PKHD1: variants seen among roughly 807,000 people sequenced by gnomAD.
PKHD1 encodes the protein PKHD1 ciliary IPT domain containing fibrocystin/polyductin.
A neutral mutation model predicts 412.0 loss-of-function variants in PKHD1; 291 were observed. The ratio of observed to expected loss-of-function variants is 0.71; its 90% CI spans 0.64 to 0.78. PKHD1 has a LOEUF of 0.78. Ranked by LOEUF, PKHD1 falls within the 30% of genes least tolerant of loss-of-function variation. The pLI is 0.00. For missense variants in PKHD1, 4,825 were observed against 4,950.7 expected, an observed-to-expected ratio of 0.97 and a Z score of 0.76; for synonymous variants, 1,777 against 1,821.5, an observed-to-expected ratio of 0.98 and a Z score of 0.62.
At chr6:51,943,976 A>G (rs1789019988) in intron 36 of PKHD1, among the ~76,000 whole-genome samples, 1 of 150,390 alleles carries the variant, frequency 6.6e-6, no homozygotes, top group Non-Finnish European at 1.5e-5. Flanking sequence ...ATATAAGAAG[A>G]CAGGAATGTC....
At chr6:51,887,661 A>G (rs888544863) in intron 43 of PKHD1, among the ~76,000 whole-genome samples, 29 of 152,090 alleles carry the variant, frequency 1.9e-4, no homozygotes, top group African/African-American at 6.0e-4. Context: ...CCTGCCATGT[A>G]AGTTGCCTGC....
intron 60 of PKHD1, among the ~76,000 whole-genome samples, chr6:51,663,475 T>A (rs990174912): frequency 6.6e-6 from 1 of 152,176 alleles, no homozygotes; most frequent in Non-Finnish European, 1.5e-5. Flanking sequence ...TGTAATTTGA[T>A]AAATCACATG....
intron 60 of PKHD1, among the ~76,000 whole-genome samples, chr6:51,687,046 G>A (rs970050930): frequency 2.6e-5 from 4 of 152,076 alleles, no homozygotes; most frequent in East Asian, 3.9e-4. Context: ...CACCAAAAAC[G>A]GGGATGTAAG....
In PKHD1 at chr6:51,973,380, T is replaced by C. The variant is rs942123787; in HGVS notation, c.5752-13354A>G. ...TTACTTTACAGTCACCTGGAATTCA[T>C]TGTATGCAATTCACATAATGTCTAA... On this transcript the variant is annotated intron_variant, in intron 35 of 66. Coordinates refer to ENST00000371117, the MANE Select transcript of PKHD1 (RefSeq NM_138694.4). 5.3e-5 allele frequency among the ~76,000 whole-genome samples: 8 copies of C among 152,248 alleles called. No individual in the cohort carries two copies. The East Asian group carries it at 1.3e-3, about 26-fold the overall frequency.
chr6:51,896,097 G>A (rs548354811), intron 43 of PKHD1, among the ~76,000 whole-genome samples: 2,157 of 152,246 alleles, frequency 0.014, 29 homozygotes, highest in Admixed American at 0.022. Context: ...GAGGAGGGGC[G>A]CCCACCATTG....
chr6:52,052,548 G>C (rs1807025008), intron 21 of PKHD1, among the ~76,000 whole-genome samples: 1 of 152,182 alleles, frequency 6.6e-6, no homozygotes, highest in Admixed American at 6.5e-5. Context: ...TTGTAAATCA[G>C]ACTCTTGGCC....
chr6:52,053,895 A>C (rs1807282472), intron 20 of PKHD1, 143 bp downstream of exon 20: 2 of 845,032 alleles, frequency 2.4e-6, no homozygotes, highest in East Asian at 5.3e-5. Flanking sequence ...CTTTTTTGTC[A>C]AATAAAATAT....
At chr6:51,939,716 C>T (rs1788163759) in intron 36 of PKHD1, among the ~76,000 whole-genome samples, 1 of 151,498 alleles carries the variant, frequency 6.6e-6, no homozygotes, top group Admixed American at 6.6e-5. Flanking sequence ...CCCAAATCCT[C>T]CTTCTTTCCC....
chr6:51,746,610 T>C, intron 59 of PKHD1, 111 bp downstream of exon 59: 1 of 750,710 alleles, frequency 1.3e-6, no homozygotes, highest in South Asian at 1.5e-5. Context: ...CATTCTAAGA[T>C]TCATTTCTAT....
chr6:51,745,459 A>G (rs2150967217), intron 59 of PKHD1, among the ~76,000 whole-genome samples: 1 of 152,294 alleles, frequency 6.6e-6, no homozygotes, highest in South Asian at 2.1e-4. Context: ...CGAACAAGGC[A>G]CCATCTTGGA....
chr6:51,759,117 C>T (rs1289863357), intron 55 of PKHD1, among the ~76,000 whole-genome samples: 1 of 152,162 alleles, frequency 6.6e-6, no homozygotes, highest in East Asian at 1.9e-4. Context: ...TCTATCAGTG[C>T]CATTAAAATG....
At chr6:51,796,328 G>C (rs928625516) in intron 52 of PKHD1, among the ~76,000 whole-genome samples, 2 of 151,624 alleles carry the variant, frequency 1.3e-5, no homozygotes, top group Non-Finnish European at 2.9e-5. Context: ...GGTTGTTTGT[G>C]TTTCTCTGGG....
intron 53 of PKHD1, among the ~76,000 whole-genome samples, chr6:51,786,086 T>G (rs902726719): frequency 3.3e-5 from 5 of 152,180 alleles, no homozygotes; most frequent in African/African-American, 9.7e-5. Context: ...ATTTCTACTT[T>G]GGAGATAAGA....
At chr6:51,904,157 T>C in intron 41 of PKHD1, 115 bp from the exon 42 acceptor site, 1 of 733,102 alleles carries the variant, frequency 1.4e-6, no homozygotes, top group Non-Finnish European at 2.5e-6. Flanking sequence ...TTTGTGTTTT[T>C]ATCTGTAAAT....
rs1766076330 is a variant in PKHD1, at chr6:51,616,495, C to G, written c.*2586G>C. ...AGACATGAATGAACATAGAGCTGCT[C>G]TCTTTGCTTTTGGTGTTTCCCTAAT... On this transcript the variant is annotated 3_prime_UTR_variant, in exon 67 of 67. Coordinates refer to ENST00000371117, the MANE Select transcript of PKHD1 (RefSeq NM_138694.4). 2.6e-6 allele frequency: 1 copy of G among 391,630 alleles called. No homozygotes were observed. The highest frequency in any genetic ancestry group is 1.4e-4 in the South Asian group (1 of 6,944). The allele number at this position is 391,630 out of a possible 1,614,324, so 24.3% of individuals were successfully genotyped here.
At chr6:51,814,319 G>C (rs1385869875) in intron 52 of PKHD1, among the ~76,000 whole-genome samples, 1 of 152,200 alleles carries the variant, frequency 6.6e-6, no homozygotes, top group Non-Finnish European at 1.5e-5. Context: ...ACCATACTGG[G>C]ATTTAGGCCT....
In PKHD1 at chr6:51,748,536, C is replaced by T; in HGVS notation, c.9080G>A (p.Gly3027Asp). ...SSTLHQSCGGGIHAAASHGVL... is the reference protein window; with the variant it reads ...SSTLHQSCGGDIHAAASHGVL... Reference sequence around the variant, plus strand: ...TCCATGACTGGCAGCTGCATGAATGCCCCCGCCACAGCTCTGGTGCAGAGT... The same window carrying T: ...TCCATGACTGGCAGCTGCATGAATGTCCCCGCCACAGCTCTGGTGCAGAGT... The change falls in exon 58 of 67, where the codon GGC becomes GAC. Residue 3027 changes from glycine (G) to aspartate (D), a missense_variant. Gly to Asp is a moderately conservative substitution (Grantham distance 94). Transcript: ENST00000371117. 1.2e-6 allele frequency: 2 copies of T among 1,613,650 alleles called. No homozygotes were observed.
intron 35 of PKHD1, among the ~76,000 whole-genome samples, chr6:52,009,541 G>C (rs1266536164): frequency 1.3e-5 from 2 of 152,144 alleles, no homozygotes; most frequent in Non-Finnish European, 2.9e-5. Flanking sequence ...CTTTCATAAA[G>C]AGAAAGGCAC....
chr6:51,936,646 G>A (rs535497567), intron 36 of PKHD1, among the ~76,000 whole-genome samples: 46 of 152,120 alleles, frequency 3.0e-4, no homozygotes, highest in Non-Finnish European at 5.1e-4. Flanking sequence ...CTTAGGCAAG[G>A]GCGTTACAAA....
Sources: gnomAD v4.1 joint callset for allele counts (sites outside exome capture counted in the v4.1 genomes callset) on GRCh38, gnomAD v4.1.1 for gene constraint, MANE v1.5 for transcripts, NCBI Gene and HGNC (gene_info 2026-07-23, HGNC 2026-07-21) for gene names.